The following GRIK2 variants were observed in gnomAD, a reference collection of about 807,000 sequenced individuals.
GRIK2 encodes glutamate receptor ionotropic, kainate 2.
A neutral mutation model predicts 100.3 loss-of-function variants in GRIK2; 32 were observed. That is an observed-to-expected ratio of 0.32 (90% CI 0.24 to 0.43). The LOEUF is 0.43. Ranked by LOEUF, GRIK2 falls within the 20% of genes least tolerant of loss-of-function variation. The pLI is 1.00. For synonymous variants in GRIK2, 417 were observed against 389.4 expected, an observed-to-expected ratio of 1.07 and a Z score of -0.83; for missense variants, 843 against 1,114.9, an observed-to-expected ratio of 0.76 and a Z score of 3.47.
chr6:101,947,202 A>G (rs1468276532), intron 14 of GRIK2, among the ~76,000 whole-genome samples: 4 of 152,286 alleles, frequency 2.6e-5, no homozygotes, highest in Non-Finnish European at 1.5e-5. Context: ...AACACCCTTT[A>G]GAGACATTGA....
intron 2 of GRIK2, among the ~76,000 whole-genome samples, chr6:101,539,093 G>A (rs566489692): frequency 6.6e-6 from 1 of 151,636 alleles, no homozygotes; most frequent in African/African-American, 2.4e-5. Context: ...ATTACTTAGA[G>A]GCAAAGAAAT....
chr6:102,021,760 C>G (rs1347820923), intron 14 of GRIK2, among the ~76,000 whole-genome samples: 1 of 151,050 alleles, frequency 6.6e-6, no homozygotes, highest in Non-Finnish European at 1.5e-5. Context: ...GCTGAGCTAC[C>G]CTGCTTATGT....
At chr6:101,852,983 A>C (rs1477684651) in intron 10 of GRIK2, among the ~76,000 whole-genome samples, 3 of 152,194 alleles carry the variant, frequency 2.0e-5, no homozygotes, top group Non-Finnish European at 2.9e-5. Context: ...ATGTTACATA[A>C]AAATCAGACA....
chr6:101,975,773 GTCTA>G (rs1156905146), intron 14 of GRIK2, among the ~76,000 whole-genome samples: 2 of 146,660 alleles, frequency 1.4e-5, no homozygotes, highest in Non-Finnish European at 3.0e-5. Context: ...TTATCTATGT[GTCTA>G]TCTGTCTGTC....
intron 7 of GRIK2, among the ~76,000 whole-genome samples, chr6:101,694,615 G>T (rs1021562412): frequency 6.6e-6 from 1 of 152,010 alleles, no homozygotes; most frequent in African/African-American, 2.4e-5. Context: ...TTCTGGCTAA[G>T]GAAGTTTATT....
At chr6:101,842,414 T>C (rs555890291) in intron 10 of GRIK2, among the ~76,000 whole-genome samples, 1 of 152,288 alleles carries the variant, frequency 6.6e-6, no homozygotes, top group East Asian at 1.9e-4. Flanking sequence ...CATTTTTACT[T>C]TTCCCTTCTC....
intron 4 of GRIK2, among the ~76,000 whole-genome samples, chr6:101,658,599 T>C (rs1204443989): frequency 6.6e-6 from 1 of 152,164 alleles, no homozygotes; most frequent in Non-Finnish European, 1.5e-5. Context: ...AAATGGTATT[T>C]CTGTTTCTTG....
intron 2 of GRIK2, among the ~76,000 whole-genome samples, chr6:101,592,586 CACATATATATATATATAT>C (rs1778708093): frequency 1.9e-5 from 1 of 53,396 alleles, no homozygotes; most frequent in Non-Finnish European, 3.4e-5. Flanking sequence ...TTACTAATAT[CACATATATATATATATAT>C]ATATATATAT....
At chr6:101,707,221 CAT>C (rs1167304154) in intron 7 of GRIK2, among the ~76,000 whole-genome samples, 3 of 151,454 alleles carry the variant, frequency 2.0e-5, no homozygotes, top group East Asian at 1.9e-4. Context: ...TAATTTGACT[CAT>C]AATGCTGTTA....
At chr6:101,972,199 T>C (rs1263470410) in intron 14 of GRIK2, among the ~76,000 whole-genome samples, 1 of 151,982 alleles carries the variant, frequency 6.6e-6, no homozygotes, top group Non-Finnish European at 1.5e-5. Context: ...GCTGAAATAT[T>C]AATAATTTAC....
At chr6:101,822,995 C>T (rs895452067) in intron 10 of GRIK2, among the ~76,000 whole-genome samples, 6 of 152,172 alleles carry the variant, frequency 3.9e-5, no homozygotes, top group Admixed American at 3.3e-4. Flanking sequence ...AGAAGTCCCA[C>T]ATATGCTAGA....
At chr6:101,930,350 AAAAAT>A (rs71028090) in intron 14 of GRIK2, among the ~76,000 whole-genome samples, 3 of 39,512 alleles carry the variant, frequency 7.6e-5, no homozygotes, top group East Asian at 1.4e-3. Flanking sequence ...CTCAAAAAAA[AAAAAT>A]AAAATAAAAT....
intron 14 of GRIK2, among the ~76,000 whole-genome samples, chr6:101,991,390 TG>T (rs1430912217): frequency 5.1e-5 from 4 of 78,494 alleles, no homozygotes; most frequent in Non-Finnish European, 7.3e-5. Flanking sequence ...TTATTTGCTA[TG>T]TTTTTTTTTT....
At chr6:101,944,044 G>A (rs558101176) in intron 14 of GRIK2, among the ~76,000 whole-genome samples, 23 of 152,126 alleles carry the variant, frequency 1.5e-4, no homozygotes, top group Non-Finnish European at 3.1e-4. Context: ...GGTTTTTAAT[G>A]GTTTAGCACC....
chr6:101,711,534 T>A (rs761120045), intron 7 of GRIK2, among the ~76,000 whole-genome samples: 2 of 151,810 alleles, frequency 1.3e-5, no homozygotes, highest in Non-Finnish European at 2.9e-5. Flanking sequence ...AAGAGGATGA[T>A]TGAGTTTAAA....
intron 11 of GRIK2, among the ~76,000 whole-genome samples, chr6:101,868,444 G>A (rs1785188570): frequency 6.6e-6 from 1 of 151,618 alleles, no homozygotes; most frequent in Non-Finnish European, 1.5e-5. Flanking sequence ...CACTATTGAA[G>A]CAGTGGGCCG....
intron 2 of GRIK2, among the ~76,000 whole-genome samples, chr6:101,607,608 G>A (rs1582815801): frequency 6.6e-6 from 1 of 151,984 alleles, no homozygotes; most frequent in South Asian, 2.1e-4. Flanking sequence ...AACCTTTACA[G>A]CAATTTGTTT....
intron 2 of GRIK2, among the ~76,000 whole-genome samples, chr6:101,412,492 T>A (rs1259500813): frequency 1.3e-5 from 2 of 152,072 alleles, no homozygotes; most frequent in African/African-American, 2.4e-5. Flanking sequence ...AAAGTATTAA[T>A]ATCATGATAA....
intron 7 of GRIK2, among the ~76,000 whole-genome samples, chr6:101,738,262 ATGTCAATTGTAATTGTAAT>A (rs200946741): frequency 0.035 from 4,968 of 141,614 alleles, 136 homozygotes; most frequent in East Asian, 0.11. Flanking sequence ...CAATTGTCAA[ATGTCAATTGTAATTGTAAT>A]TGTCAATTGT....
Sources: gnomAD v4.1 joint callset for allele counts (sites outside exome capture counted in the v4.1 genomes callset) on GRCh38, gnomAD v4.1.1 for gene constraint, MANE v1.5 for transcripts, NCBI Gene and HGNC (gene_info 2026-07-23, HGNC 2026-07-21) for gene names.